Variants in POU2AF2 observed in about 807,000 individuals in gnomAD.
The protein encoded by POU2AF2 is POU class 2 homeobox associating factor 2.
At chr11:111,272,017 C>CA in the POU2AF2 span, among the ~76,000 whole-genome samples, 2 of 151,832 alleles carry the variant, frequency 1.3e-5, no homozygotes, top group Non-Finnish European at 1.5e-5. Context: ...AACTCCATCT[C>CA]AAAAAAAAGA....
At chr11:111,277,364 G>A in the POU2AF2 span, among the ~76,000 whole-genome samples, 4 of 152,150 alleles carry the variant, frequency 2.6e-5, no homozygotes, top group African/African-American at 4.8e-5. Context: ...GGGAGGAGTC[G>A]GTACTGTCAG....
At chr11:111,274,218 C>T in the POU2AF2 span, among the ~76,000 whole-genome samples, 6 of 152,090 alleles carry the variant, frequency 3.9e-5, no homozygotes, top group Non-Finnish European at 8.8e-5. Context: ...GGCACCCTTC[C>T]CAGCCCCATG....
At chr11:111,286,311 A>C in the POU2AF2 span, 1 of 394,738 alleles carries the variant, frequency 2.5e-6, no homozygotes, top group Non-Finnish European at 4.4e-6. Context: ...AACTGTTGTA[A>C]CCCATTACGT....
At chr11:111,266,418 A>T in the POU2AF2 span, among the ~76,000 whole-genome samples, 1 of 152,180 alleles carries the variant, frequency 6.6e-6, no homozygotes, top group East Asian at 1.9e-4. Context: ...TCTGAAAAAG[A>T]TAAATTCCCT....
the POU2AF2 span, among the ~76,000 whole-genome samples, chr11:111,256,872 T>C: frequency 6.6e-6 from 1 of 152,176 alleles, no homozygotes; most frequent in Non-Finnish European, 1.5e-5. Flanking sequence ...CAGAGATAAC[T>C]TAAAAAAAAT....
chr11:111,284,235 T>TGGAGCCCTACTTCCCCCA, the POU2AF2 span: 68 of 1,614,100 alleles, frequency 4.2e-5, 1 homozygote, highest in Middle Eastern at 3.0e-3. Flanking sequence ...GCGGCTCTCC[T>TGGAGCCCTACTTCCCCCA]GGAGCCCTAC....
At chr11:111,266,186 A>G in the POU2AF2 span, among the ~76,000 whole-genome samples, 1 of 152,192 alleles carries the variant, frequency 6.6e-6, no homozygotes. Context: ...CTGACCTAAC[A>G]AGTGATGTGA....
the POU2AF2 span, chr11:111,245,906 C>T: frequency 6.9e-3 from 2,750 of 398,576 alleles, 20 homozygotes; most frequent in South Asian, 0.02. Flanking sequence ...AACTTTAATC[C>T]TAATTTTTAT....
At chr11:111,282,196 C>CT in the POU2AF2 span, among the ~76,000 whole-genome samples, 3 of 152,078 alleles carry the variant, frequency 2.0e-5, no homozygotes, top group Non-Finnish European at 4.4e-5. Context: ...AGAGCAGAGG[C>CT]TTTTTTCTTC....
the POU2AF2 span, among the ~76,000 whole-genome samples, chr11:111,257,404 G>A: frequency 1.3e-5 from 2 of 149,414 alleles, no homozygotes; most frequent in Non-Finnish European, 3.0e-5. Flanking sequence ...CTGTTGCCCA[G>A]GCTGGTGTGC....
At chr11:111,250,502 C>T in the POU2AF2 span, among the ~76,000 whole-genome samples, 1 of 152,312 alleles carries the variant, frequency 6.6e-6, no homozygotes. Context: ...TTACTGAAAG[C>T]TTCCTGTGTT....
chr11:111,250,626 T>A, the POU2AF2 span, among the ~76,000 whole-genome samples: 2,012 of 152,272 alleles, frequency 0.013, 24 homozygotes, highest in Non-Finnish European at 0.022. Flanking sequence ...ATGTACTCCA[T>A]AAGGAAATGA....
the POU2AF2 span, among the ~76,000 whole-genome samples, chr11:111,284,607 G>A: frequency 9.2e-5 from 14 of 152,216 alleles, no homozygotes; most frequent in African/African-American, 3.1e-4. Flanking sequence ...TTGGAACCGG[G>A]AGGAATGTGC....
chr11:111,255,648 G>A, the POU2AF2 span, among the ~76,000 whole-genome samples: 2 of 152,180 alleles, frequency 1.3e-5, no homozygotes, highest in South Asian at 2.1e-4. Flanking sequence ...ATTTCAAGTT[G>A]CATCCAATCC....
chr11:111,286,067 A>ATGACTTC, the POU2AF2 span: 1 of 1,602,252 alleles, frequency 6.2e-7, no homozygotes, highest in South Asian at 1.1e-5. Flanking sequence ...GGAGGGCCAA[A>ATGACTTC]TGACTTCTGG....
chr11:111,283,957 A>G, the POU2AF2 span: 1 of 829,334 alleles, frequency 1.2e-6, no homozygotes, highest in Non-Finnish European at 2.0e-6. Flanking sequence ...TTTCCATGTT[A>G]GCGTTGGAGT....
chr11:111,259,937 T>C, the POU2AF2 span, among the ~76,000 whole-genome samples: 1 of 152,248 alleles, frequency 6.6e-6, no homozygotes, highest in Non-Finnish European at 1.5e-5. Context: ...ATTTGGACTT[T>C]AGACATTTGC....
At chr11:111,269,153 T>A in the POU2AF2 span, among the ~76,000 whole-genome samples, 2 of 152,024 alleles carry the variant, frequency 1.3e-5, no homozygotes, top group Admixed American at 1.3e-4. Context: ...TGCATATTGC[T>A]TGTTAACACG....
chr11:111,263,023 A>T, the POU2AF2 span, among the ~76,000 whole-genome samples: 1 of 152,110 alleles, frequency 6.6e-6, no homozygotes, highest in South Asian at 2.1e-4. Flanking sequence ...ACTGATACTT[A>T]GTTACTTTTT....
Sources: allele counts gnomAD v4.1 joint callset (sites outside exome capture counted in the v4.1 genomes callset), GRCh38; gene constraint gnomAD v4.1.1; transcripts MANE v1.5; gene names NCBI Gene and HGNC (gene_info 2026-07-23, HGNC 2026-07-21).